Variants in NCMAP observed in about 807,000 individuals in gnomAD.
The protein encoded by NCMAP is non-compact myelin associated protein, also known as noncompact myelin-associated protein.
NCMAP carries 8 observed loss-of-function variants against 7.8 expected under a neutral mutation model. That is an observed-to-expected ratio of 1.02 (90% confidence interval 0.60 to 1.84). The LOEUF (loss-of-function observed/expected upper bound fraction) is 1.84. Ranked by LOEUF, NCMAP falls within the 40% of genes most tolerant of loss-of-function variation. The pLI is 0.00. For missense variants in NCMAP, 112 were observed against 131.4 expected (o/e 0.85, Z 0.72); for synonymous variants, 41 against 52.9 (o/e 0.78, Z 0.98).
At chr1:24,596,743 A>G (rs1652242467) in intron 2 of NCMAP, among the ~76,000 whole-genome samples, 1 of 152,196 alleles carries the variant, frequency 6.6e-6, no homozygotes, top group South Asian at 2.1e-4. Context: ...ATTGCAAGGC[A>G]AAAAAACATC....
At chr1:24,558,313 C>T (rs1320917285) in intron 1 of NCMAP, among the ~76,000 whole-genome samples, 1 of 152,162 alleles carries the variant, frequency 6.6e-6, no homozygotes, top group Non-Finnish European at 1.5e-5. Context: ...ACTTTGTCCC[C>T]ACCTAGCATG....
At chr1:24,574,170 G>A (rs1036694044) in intron 1 of NCMAP, among the ~76,000 whole-genome samples, 2 of 149,814 alleles carry the variant, frequency 1.3e-5, no homozygotes, top group Admixed American at 6.6e-5. Flanking sequence ...TGCCCAGGCT[G>A]GAGTGCAGTG....
At chr1:24,578,185 G>C (rs957523150) in intron 1 of NCMAP, among the ~76,000 whole-genome samples, 6 of 150,860 alleles carry the variant, frequency 4.0e-5, no homozygotes, top group African/African-American at 1.5e-4. Flanking sequence ...GAACCTGGGA[G>C]GCAGAGGTTG....
At chr1:24,596,284 T>C (rs1306596141) in intron 2 of NCMAP, among the ~76,000 whole-genome samples, 4 of 150,934 alleles carry the variant, frequency 2.7e-5, no homozygotes. Flanking sequence ...AACAAAAAAA[T>C]ATTACTACTA....
intron 3 of NCMAP, among the ~76,000 whole-genome samples, chr1:24,604,113 C>G (rs1364083547): frequency 6.6e-6 from 1 of 152,148 alleles, no homozygotes; most frequent in Non-Finnish European, 1.5e-5. Flanking sequence ...GGGTGGAGTC[C>G]TTATGACCTA....
intron 1 of NCMAP, among the ~76,000 whole-genome samples, chr1:24,558,837 GA>G (rs1473310815): frequency 6.6e-6 from 1 of 151,990 alleles, no homozygotes; most frequent in Non-Finnish European, 1.5e-5. Context: ...CGTTCTCCAG[GA>G]ATTGTAAATG....
At chr1:24,595,359 G>A in intron 1 of NCMAP, 65 bp from the exon 2 acceptor site, 2 of 1,104,048 alleles carry the variant, frequency 1.8e-6, no homozygotes, top group Non-Finnish European at 2.7e-6. Context: ...ACCAAAAGAG[G>A]CATCAAGTAG....
At chr1:24,569,226 TCA>T (rs1201013256) in intron 1 of NCMAP, among the ~76,000 whole-genome samples, 1 of 152,102 alleles carries the variant, frequency 6.6e-6, no homozygotes, top group East Asian at 1.9e-4. Context: ...ACTTCTGACC[TCA>T]GGTGACCCAC....
intron 3 of NCMAP, 130 bp downstream of exon 3, chr1:24,601,154 C>A (rs909619930): frequency 3.1e-5 from 21 of 680,864 alleles, no homozygotes; most frequent in Middle Eastern, 3.6e-4. Flanking sequence ...ATGCTCTAAC[C>A]CTTGGGGATC....
chr1:24,573,971 A>AAAAAAAAAAAAAAAAAAC (rs1337931415), intron 1 of NCMAP, among the ~76,000 whole-genome samples: 1 of 137,552 alleles, frequency 7.3e-6, no homozygotes, highest in African/African-American at 2.9e-5. Context: ...AAAAAAAAAA[A>AAAAAAAAAAAAAAAAAAC]CAGAAAAAAG....
Position 24,600,940 on chromosome 1 carries a change from G to A in NCMAP, c.83G>A (p.Ser28Asn). The A allele has an allele frequency of 6.2e-7, 1 of 1,613,980 alleles. No individual in the cohort carries two copies. Among genetic ancestry groups the A allele is most frequent in the Non-Finnish European group, 8.5e-7 (1 of 1,179,948 alleles). Reference sequence around the variant, plus strand: ...GTCTCTGCTTCTCTCCTTTCTGTAGGTTCTGGAGCCATTGTTGCTGCCGTT... The same window carrying A: ...GTCTCTGCTTCTCTCCTTTCTGTAGATTCTGGAGCCATTGTTGCTGCCGTT... The part of the protein sequence containing the change: ...TTRGEDFLYK[S>N]SGAIVAAVVV... Residue 28 changes from serine to asparagine, a missense_variant and splice_region_variant, in exon 3 of 4, where the codon AGT becomes AAT. By Grantham distance (46) the Ser-to-Asn change is conservative. Coordinates refer to ENST00000374392, the MANE Select transcript of NCMAP (RefSeq NM_001010980.5).
At chr1:24,586,023 A>C (rs191914184) in intron 1 of NCMAP, among the ~76,000 whole-genome samples, 2 of 152,348 alleles carry the variant, frequency 1.3e-5, no homozygotes, top group East Asian at 3.9e-4. Flanking sequence ...GGAGAAGCGA[A>C]GAAGGGCTGG....
At chr1:24,598,714 T>C (rs921491055) in intron 2 of NCMAP, among the ~76,000 whole-genome samples, 1 of 151,594 alleles carries the variant, frequency 6.6e-6, no homozygotes, top group African/African-American at 2.4e-5. Flanking sequence ...ACTGCCTCAC[T>C]GCAACCTCCA....
rs552637923 is a variant in NCMAP at position 24,581,392 on chromosome 1, C to T, written c.-7-14032C>T. On this transcript the variant is annotated intron_variant, in intron 1 of 3. Transcript: ENST00000374392. ...TTGGCCTCCCAAAATGCTGGGATTA[C>T]AGGCATGAGCCACTGTGACCGGCCC... Among the ~76,000 whole-genome samples, 9 of 152,350 alleles carry T rather than the reference C, an allele frequency of 5.9e-5. No homozygotes were observed. In the East Asian group the frequency reaches 1.3e-3, roughly 23 times the overall value.
intron 1 of NCMAP, among the ~76,000 whole-genome samples, chr1:24,565,639 C>T (rs1274845191): frequency 6.6e-6 from 1 of 150,508 alleles, no homozygotes; most frequent in Admixed American, 6.6e-5. Context: ...TACTCTGTCA[C>T]CCAGGCTGGA....
In NCMAP at chr1:24,578,033, C is replaced by T. The variant is rs373769125; in HGVS notation, c.-7-17391C>T. On this transcript the variant is annotated intron_variant, in intron 1 of 3. Coordinates refer to ENST00000374392, the MANE Select transcript of NCMAP (RefSeq NM_001010980.5). ...ATCCCAGCACTTTGGGAGGCTGAGGCGGGTGGATCACTTGAGGCCAGGAGC... is the reference window on the plus strand; with the variant it reads ...ATCCCAGCACTTTGGGAGGCTGAGGTGGGTGGATCACTTGAGGCCAGGAGC... Among the ~76,000 whole-genome samples the T allele has an allele frequency of 3.3e-5, 5 of 152,132 alleles. No individual in the cohort carries two copies. The East Asian group carries it at 7.7e-4, about 24-fold the overall frequency.
At chr1:24,579,133 G>C (rs12076819) in intron 1 of NCMAP, among the ~76,000 whole-genome samples, 63,185 of 151,424 alleles carry the variant, frequency 0.42, 13,525 homozygotes, top group African/African-American at 0.49. Context: ...TTCACCCCTC[G>C]CTCACTTTAG....
chr1:24,562,429 G>A (rs1173273730), intron 1 of NCMAP, among the ~76,000 whole-genome samples: 2 of 152,170 alleles, frequency 1.3e-5, no homozygotes, highest in African/African-American at 2.4e-5. Context: ...ATGGATCCAC[G>A]TCTGTTAGTT....
chr1:24,605,565 CA>C, intron 3 of NCMAP, 40 bp from the exon 4 acceptor site: 2 of 1,602,302 alleles, frequency 1.2e-6, no homozygotes, highest in Non-Finnish European at 1.7e-6. Context: ...CGCGGCATAC[CA>C]GGGGAAAGAC....
Sources: allele counts gnomAD v4.1 joint callset (sites outside exome capture counted in the v4.1 genomes callset), GRCh38; gene constraint gnomAD v4.1.1; transcripts MANE v1.5; gene names NCBI Gene and HGNC (gene_info 2026-07-23, HGNC 2026-07-21).